Variants in MSH3 observed in about 807,000 individuals in gnomAD.
MSH3 encodes the protein mutS homolog 3.
In MSH3, 106 loss-of-function variants were observed where a neutral mutation model predicts 123.3. That is an observed-to-expected ratio of 0.86 (90% CI 0.73 to 1.01). The LOEUF (loss-of-function observed/expected upper bound fraction) is 1.01, where lower values mean the gene tolerates loss of function less well. Among genes scored for constraint, MSH3 ranks in the 50% least tolerant of loss-of-function variants. The pLI is 0.00. For missense variants in MSH3, 1,459 were observed against 1,347.6 expected (o/e 1.08, Z -1.29); for synonymous variants, 515 against 481.4 (o/e 1.07, Z -0.91).
At chr5:80,720,388 C>T (rs1751054562) in intron 8 of MSH3, among the ~76,000 whole-genome samples, 2 of 152,036 alleles carry the variant, frequency 1.3e-5, no homozygotes, top group Admixed American at 1.3e-4. Context: ...GTCTTCTTTG[C>T]CAACCTTTTG....
intron 11 of MSH3, among the ~76,000 whole-genome samples, chr5:80,742,193 A>G (rs1277099101): frequency 1.3e-5 from 2 of 152,138 alleles, no homozygotes; most frequent in South Asian, 4.1e-4. Context: ...TATTTTTAGT[A>G]GAGACAGGGT....
chr5:80,765,152 T>C (rs1744101957), intron 13 of MSH3, among the ~76,000 whole-genome samples: 1 of 152,266 alleles, frequency 6.6e-6, no homozygotes. Flanking sequence ...AACATGATTG[T>C]AAAGCACTAC....
rs1385948954 is a variant in MSH3 at position 80,864,909 on chromosome 5, T to G, written c.3097T>G (p.Leu1033Val). 1 of 1,613,962 alleles carries G rather than the reference T, an allele frequency of 6.2e-7. No homozygotes were observed. The highest frequency in any genetic ancestry group is 1.1e-5 in the South Asian group (1 of 91,084). The change falls in exon 22 of 24, where the codon TTG becomes GTG. Residue 1033 changes from leucine (L) to valine (V), a missense_variant. By Grantham distance (32) the Leu-to-Val change is conservative. Transcript: ENST00000265081. The part of the protein sequence containing the change: ...HQVGNYHMGF[L>V]VSEDESKLDP... ...GGTGGGGAATTACCACATGGGATTC[T>G]TGGTCAGTGAGGATGAAAGCAAACT...
chr5:80,834,751 T>A (rs1320472601), intron 20 of MSH3, among the ~76,000 whole-genome samples: 1 of 151,936 alleles, frequency 6.6e-6, no homozygotes, highest in Non-Finnish European at 1.5e-5. Flanking sequence ...TTGAAACCTC[T>A]GACCTAGTAC....
At position 80,654,802 on chromosome 5, in the gene MSH3, C is replaced by T. The variant is rs879145456; in HGVS notation, c.75C>T (p.Ser25=). The T allele has an allele frequency of 6.2e-7, 1 of 1,607,078 alleles. No individual in the cohort carries two copies. The highest frequency in any genetic ancestry group is 1.1e-5 in the South Asian group (1 of 90,604). Residue 25 remains serine, a synonymous_variant, in exon 1 of 24, where the codon AGC becomes AGT. Coordinates refer to ENST00000265081, the MANE Select transcript of MSH3 (RefSeq NM_002439.5). ...SSAPARQAVL[S]RFFQSTGSLK... ...CCCCTGCGAGGCAAGCGGTTTTGAG[C>T]CGATTCTTCCAGTCTACGGGAAGCC... is the stretch of plus-strand genomic sequence containing the variant.
intron 8 of MSH3, among the ~76,000 whole-genome samples, chr5:80,721,793 T>C (rs1360317306): frequency 6.6e-6 from 1 of 152,100 alleles, no homozygotes; most frequent in East Asian, 1.9e-4. Flanking sequence ...TCAAGGAAAA[T>C]AGCAAAAAAT....
intron 16 of MSH3, 54 bp downstream of exon 16, chr5:80,775,812 T>C: frequency 1.1e-6 from 1 of 940,244 alleles, no homozygotes; most frequent in East Asian, 2.4e-5. Context: ...CATCTGTATA[T>C]CTATGTGCTA....
intron 20 of MSH3, among the ~76,000 whole-genome samples, chr5:80,831,441 AT>A (rs1043372444): frequency 2.0e-5 from 3 of 152,088 alleles, no homozygotes; most frequent in African/African-American, 7.2e-5. Flanking sequence ...TTGTAATTTC[AT>A]TCCATTTCTG....
chr5:80,846,519 T>G (rs1170194730), intron 20 of MSH3, among the ~76,000 whole-genome samples: 1 of 152,152 alleles, frequency 6.6e-6, no homozygotes, highest in East Asian at 1.9e-4. Flanking sequence ...AGAGGTGGAA[T>G]CTAGAGAGGC....
chr5:80,672,805 T>C lies in MSH3; in HGVS notation c.974T>C (p.Leu325Pro), dbSNP rs1247160847. Residue 325 changes from leucine (L) to proline (P), a missense_variant, in exon 6 of 24, where the codon CTC becomes CCC. Leu to Pro is a moderately conservative substitution (Grantham distance 98). Transcript: ENST00000265081. ...GCCATTGGAGACAACAGAAGTTCAC[T>C]CTTTTCCCGGAAATTGACTGCCCTT... ...LKAIGDNRSSLFSRKLTALYT... is the reference protein window; with the variant it reads ...LKAIGDNRSSPFSRKLTALYT... The C allele has an allele frequency of 6.2e-7, 1 of 1,614,170 alleles. No individual in the cohort carries two copies. Among genetic ancestry groups the C allele is most frequent in the Admixed American group, 1.7e-5 (1 of 60,026 alleles).
At chr5:80,655,315 T>C (rs1749247470) in intron 1 of MSH3, 1 of 247,120 alleles carries the variant, frequency 4.0e-6, no homozygotes, top group Non-Finnish European at 7.8e-6. Flanking sequence ...TCGAAGAGTT[T>C]TACTGATTTT....
intron 10 of MSH3, among the ~76,000 whole-genome samples, chr5:80,730,289 A>G (rs778583414): frequency 6.6e-6 from 1 of 152,224 alleles, no homozygotes; most frequent in Non-Finnish European, 1.5e-5. Flanking sequence ...AGTACATACC[A>G]TTATATGAAG....
At chr5:80,667,149 A>C (rs903441493) in intron 3 of MSH3, among the ~76,000 whole-genome samples, 3 of 152,232 alleles carry the variant, frequency 2.0e-5, no homozygotes, top group African/African-American at 7.2e-5. Flanking sequence ...TTAGCATCCC[A>C]TAAGGATAAA....
chr5:80,844,820 A>G (rs1745692448), intron 20 of MSH3, among the ~76,000 whole-genome samples: 1 of 152,186 alleles, frequency 6.6e-6, no homozygotes, highest in East Asian at 1.9e-4. Flanking sequence ...GGTCTCCTGA[A>G]TACAGCACAC....
intron 19 of MSH3, among the ~76,000 whole-genome samples, chr5:80,793,281 A>G (rs1481761209): frequency 6.6e-6 from 1 of 152,232 alleles, no homozygotes; most frequent in Non-Finnish European, 1.5e-5. Flanking sequence ...TTTCTCTTAC[A>G]TAACACAAAT....
chr5:80,874,387 C>T (rs1746271895), intron 23 of MSH3, among the ~76,000 whole-genome samples: 1 of 152,194 alleles, frequency 6.6e-6, no homozygotes. Context: ...CCTCTAGTGA[C>T]ACTCTTTTCT....
chr5:80,807,190 CAAAAA>C (rs34405208), intron 19 of MSH3, among the ~76,000 whole-genome samples: 3 of 91,472 alleles, frequency 3.3e-5, no homozygotes, highest in African/African-American at 1.3e-4. Context: ...TACCCTGTCT[CAAAAA>C]AAAAAAAAAA....
intron 20 of MSH3, among the ~76,000 whole-genome samples, chr5:80,852,023 T>C (rs1376907417): frequency 6.6e-6 from 1 of 152,224 alleles, no homozygotes; most frequent in Non-Finnish European, 1.5e-5. Context: ...CTTAATCTAC[T>C]GTATTAAAAC....
At chr5:80,688,457 T>C (rs938796034) in intron 8 of MSH3, among the ~76,000 whole-genome samples, 1 of 152,242 alleles carries the variant, frequency 6.6e-6, no homozygotes, top group East Asian at 1.9e-4. Flanking sequence ...ATGTCACTTA[T>C]GGTGACACGT....
Sources: gnomAD v4.1 joint callset for allele counts (sites outside exome capture counted in the v4.1 genomes callset) on GRCh38, gnomAD v4.1.1 for gene constraint, MANE v1.5 for transcripts, NCBI Gene and HGNC (gene_info 2026-07-23, HGNC 2026-07-21) for gene names.